Variants in MYO19 observed in about 807,000 individuals in gnomAD.
MYO19 encodes the protein myosin XIX.
Under a neutral mutation model 129.2 loss-of-function variants are expected in MYO19, and 132 were observed. The observed-to-expected ratio is 1.02, with a 90% confidence interval of 0.89 to 1.18. The LOEUF (loss-of-function observed/expected upper bound fraction) is 1.18. Among genes scored for constraint, MYO19 ranks in the 50% most tolerant of loss-of-function variants. The pLI, the probability that MYO19 is intolerant of heterozygous loss-of-function variation, is 0.00. For missense variants in MYO19, 1,210 were observed against 1,216.7 expected (o/e 0.99, Z 0.08); for synonymous variants, 531 against 477.2 (o/e 1.11, Z -1.47).
intron 14 of MYO19, 72 bp downstream of exon 14, chr17:36,508,990 G>C: frequency 7.4e-7 from 1 of 1,347,656 alleles, no homozygotes; most frequent in Non-Finnish European, 1.0e-6. Context: ...TGGACCCAGG[G>C]CTCCTGCCTC....
intron 1 of MYO19, 63 bp downstream of exon 1, chr17:36,534,698 C>G (rs1273780060): frequency 6.6e-6 from 1 of 152,478 alleles, no homozygotes; most frequent in African/African-American, 2.4e-5. Flanking sequence ...GCGGGGCAAA[C>G]TGGCCTCCCA....
Position 36,527,606 on chromosome 17 carries a change from G to A in MYO19, c.245C>T (p.Pro82Leu). 1.2e-6 allele frequency: 2 copies of A among 1,614,018 alleles called. No individual in the cohort carries two copies. Among genetic ancestry groups the A allele is most frequent in the Non-Finnish European group, 1.7e-6 (2 of 1,179,892 alleles). ...CATTAGCTCGGGCGAGTAGAGCTGAGGAACAGGCTTGAAGGGGTTCAAGGC... is the reference window on the plus strand; with the variant it reads ...CATTAGCTCGGGCGAGTAGAGCTGAAGAACAGGCTTGAAGGGGTTCAAGGC... The part of the protein sequence containing the change: ...LVALNPFKPV[P>L]QLYSPELMRE... Residue 82 changes from proline to leucine, a missense_variant, in exon 5 of 26, where the codon CCT (proline) becomes CTT (leucine). Coordinates refer to ENST00000614623, the MANE Select transcript of MYO19 (RefSeq NM_001163735.2).
chr17:36,542,484 G>T (rs1163914121), intron 1 of MYO19, among the ~76,000 whole-genome samples: 6 of 152,076 alleles, frequency 3.9e-5, no homozygotes, highest in Non-Finnish European at 8.8e-5. Context: ...CGGATCAAGA[G>T]GTCAGGAGAT....
chr17:36,523,103 T>C (rs1233679109), intron 6 of MYO19, among the ~76,000 whole-genome samples: 1 of 149,844 alleles, frequency 6.7e-6, no homozygotes, highest in Non-Finnish European at 1.5e-5. Flanking sequence ...ATGAGAATTA[T>C]TGGAACTGGG....
upstream of MYO19, chr17:36,535,124 C>G (rs895727489): frequency 6.6e-6 from 1 of 150,738 alleles, no homozygotes; most frequent in African/African-American, 2.5e-5. Flanking sequence ...GGGGGAGAAG[C>G]GCGGAAGCAC....
At position 36,501,207 on chromosome 17, in the gene MYO19, C is replaced by T. The variant is rs1039642419; in HGVS notation, c.2109G>A (p.Thr703=). Reference sequence around the variant, plus strand: ...GAATGTCCTGGATGAGAGGTTCAAGCGTGGCTTCCTCGCTGTGTGGACACC... The same window carrying T: ...GAATGTCCTGGATGAGAGGTTCAAGTGTGGCTTCCTCGCTGTGTGGACACC... ...PEWCPHSEEA[T]LEPLIQDILH... Residue 703 remains threonine, a synonymous_variant, in exon 22 of 26, where the codon ACG becomes ACA. Transcript: ENST00000614623. 112 of 1,613,306 alleles carry T rather than the reference C, an allele frequency of 6.9e-5. No homozygotes were observed. Among genetic ancestry groups the T allele is most frequent in the Non-Finnish European group, 8.7e-5 (103 of 1,179,536 alleles).
intron 9 of MYO19, among the ~76,000 whole-genome samples, chr17:36,513,983 G>C (rs1472517375): frequency 6.6e-6 from 1 of 152,202 alleles, no homozygotes; most frequent in Non-Finnish European, 1.5e-5. Context: ...CCTGCCCAGG[G>C]AGTCCGTCGT....
intron 6 of MYO19, among the ~76,000 whole-genome samples, chr17:36,522,761 A>C (rs1159459406): frequency 7.9e-5 from 12 of 152,110 alleles, no homozygotes; most frequent in Non-Finnish European, 2.9e-5. Flanking sequence ...TAATCCCAGC[A>C]ATCTGGGAGG....
intron 9 of MYO19, among the ~76,000 whole-genome samples, 177 bp downstream of exon 9, chr17:36,514,269 C>T (rs1335145171): frequency 6.6e-6 from 1 of 152,172 alleles, no homozygotes; most frequent in Non-Finnish European, 1.5e-5. Flanking sequence ...GTGCTGGGAG[C>T]CAAGGCGCAG....
rs376647825 is a variant in MYO19, at chr17:36,498,256, C to T, written c.2757+10G>A. 10 of 1,602,794 alleles carry T rather than the reference C, an allele frequency of 6.2e-6. No homozygotes were observed. The African/African-American group carries it at 1.1e-4, about 17-fold the overall frequency. On this transcript the variant is annotated intron_variant, in intron 25 of 25. Transcript: ENST00000614623. ...GAACAAAGCTGTCATGGCCATCACACACAACGTACCTGAGGCAGCGCTCGG... is the reference window on the plus strand; with the variant it reads ...GAACAAAGCTGTCATGGCCATCACATACAACGTACCTGAGGCAGCGCTCGG...
chr17:36,527,488 C>T, intron 5 of MYO19, 63 bp downstream of exon 5: 2 of 1,554,310 alleles, frequency 1.3e-6, no homozygotes, highest in South Asian at 1.2e-5. Flanking sequence ...ACAGGGGTAA[C>T]TGCAAAGAGG....
At position 36,506,996 on chromosome 17, in the gene MYO19, C is replaced by A. The variant is rs761697103; in HGVS notation, c.1611G>T (p.Arg537=). The A allele has an allele frequency of 9.3e-6, 15 of 1,610,410 alleles. No homozygotes were observed. The highest frequency in any genetic ancestry group is 1.3e-5 in the Non-Finnish European group (15 of 1,177,372). The change falls in exon 17 of 26, where the codon CGG becomes CGT. Residue 537 remains arginine, a synonymous_variant. Coordinates refer to ENST00000614623, the MANE Select transcript of MYO19 (RefSeq NM_001163735.2). ...FIVVHYAGPV[R]YHTAGLVEKN... ...TCTCCACCAGGCCTGCTGTGTGGTA[C>A]CGCACAGGCCCCGCATAATGCACCA...
At chr17:36,536,981 G>A (rs761798391), upstream of MYO19, 8 of 873,184 alleles carry the variant, frequency 9.2e-6, no homozygotes, top group Non-Finnish European at 1.0e-5. Flanking sequence ...AACTCATTAG[G>A]GCCCAAAGTT....
chr17:36,527,487 A>T, intron 5 of MYO19, 64 bp downstream of exon 5: 1 of 1,545,894 alleles, frequency 6.5e-7, no homozygotes, highest in Non-Finnish European at 8.8e-7. Context: ...GACAGGGGTA[A>T]CTGCAAAGAG....
intron 6 of MYO19, among the ~76,000 whole-genome samples, chr17:36,520,922 A>G (rs1227935015): frequency 2.0e-5 from 3 of 152,284 alleles, no homozygotes; most frequent in East Asian, 1.9e-4. Context: ...ACCATTTGAT[A>G]TTGTACTACA....
At position 36,503,307 on chromosome 17, in the gene MYO19, C is replaced by G. The variant is rs115355003; in HGVS notation, c.1977-107G>C. The G allele has an allele frequency of 1.1e-3, 975 of 889,826 alleles. 9 individuals carry two copies. In the African/African-American group the frequency reaches 0.013, roughly 12 times the overall value. The allele number at this position is 889,826 out of a possible 1,614,324, so 55.1% of individuals were successfully genotyped here. ...CTATTTAATCTGCTCAACAACACAG[C>G]ACGGTGCTGCCCTCCCCGAGTATCC... is the stretch of plus-strand genomic sequence containing the variant. On this transcript the variant is annotated intron_variant, in intron 20 of 25. Transcript: ENST00000614623.
At position 36,496,323 on chromosome 17, in the gene MYO19, G is replaced by T; in HGVS notation, c.2841C>A (p.Gly947=). The part of the protein sequence containing the change: ...CPEPSPYSIT[G]FNQILLERHR... The stretch of plus-strand genomic sequence containing the variant: ...GTCTTTCCAGCAGAATCTGATTAAA[G>T]CCTGTAATGCTGTAGGGTGAAGGTT... The change falls in exon 26 of 26, where the codon GGC becomes GGA. Residue 947 remains glycine (G), a synonymous_variant. Transcript: ENST00000614623. The T allele has an allele frequency of 1.9e-6, 3 of 1,614,024 alleles. No homozygotes were observed. Among genetic ancestry groups the T allele is most frequent in the Non-Finnish European group, 2.5e-6 (3 of 1,179,894 alleles).
At chr17:36,506,417 G>A in intron 18 of MYO19, 39 bp downstream of exon 18, 1 of 1,613,064 alleles carries the variant, frequency 6.2e-7, no homozygotes, top group East Asian at 2.2e-5. Context: ...AGACCGTGGA[G>A]TTTGAACCAA....
At position 36,496,116 on chromosome 17, in the gene MYO19, G is replaced by T; in HGVS notation, c.*135C>A. 1 of 1,258,702 alleles carries T rather than the reference G, an allele frequency of 7.9e-7. No homozygotes were observed. The highest frequency in any genetic ancestry group is 1.1e-6 in the Non-Finnish European group (1 of 897,450). 78.0% of individuals were successfully genotyped at this position (1,258,702 alleles called of 1,614,324 possible). A position where few individuals can be genotyped will look rare whatever the true frequency, so the allele number is the denominator to read the frequency against. On this transcript the variant is annotated 3_prime_UTR_variant, in exon 26 of 26. Coordinates refer to ENST00000614623, the MANE Select transcript of MYO19 (RefSeq NM_001163735.2). ...CGCACTGGGCACGGGGCTCTGGGTC[G>T]AAGGCTGGAGCCGTCACTGTTGTTC...
Sources: allele counts gnomAD v4.1 joint callset (sites outside exome capture counted in the v4.1 genomes callset), GRCh38; gene constraint gnomAD v4.1.1; transcripts MANE v1.5; gene names NCBI Gene and HGNC (gene_info 2026-07-23, HGNC 2026-07-21).